The following VAV3 variants were observed in gnomAD, a reference collection of about 807,000 sequenced individuals.
VAV3 encodes the protein guanine nucleotide exchange factor VAV3.
A neutral mutation model predicts 131.2 loss-of-function variants in VAV3; 94 were observed. That is an observed-to-expected ratio of 0.72 (90% CI 0.61 to 0.85). The LOEUF (loss-of-function observed/expected upper bound fraction) is 0.85. VAV3 is among the 40% of genes least tolerant of loss of function. VAV3 has a pLI of 0.00. For synonymous variants in VAV3, 349 were observed against 342.0 expected (o/e 1.02, Z -0.22); for missense variants, 939 against 1,002.7 (o/e 0.94, Z 0.86).
At chr1:107,921,233 TC>T (rs747867729) in intron 1 of VAV3, among the ~76,000 whole-genome samples, 4 of 152,190 alleles carry the variant, frequency 2.6e-5, no homozygotes, top group Non-Finnish European at 5.9e-5. Flanking sequence ...TATGTATCCT[TC>T]CTCTGGGCCT....
chr1:107,856,159 A>T (rs970042417), intron 2 of VAV3, among the ~76,000 whole-genome samples: 1 of 152,196 alleles, frequency 6.6e-6, no homozygotes, highest in Non-Finnish European at 1.5e-5. Flanking sequence ...CAGCAGGACT[A>T]CTCAAAAGCC....
At chr1:107,880,550 C>G (rs1018149596) in intron 1 of VAV3, among the ~76,000 whole-genome samples, 3 of 152,086 alleles carry the variant, frequency 2.0e-5, no homozygotes, top group Admixed American at 2.0e-4. Flanking sequence ...AATCCCAACA[C>G]TTCAGGAGGC....
At chr1:107,777,974 G>A (rs1665460493) in intron 3 of VAV3, among the ~76,000 whole-genome samples, 1 of 152,120 alleles carries the variant, frequency 6.6e-6, no homozygotes, top group Non-Finnish European at 1.5e-5. Context: ...TTCCCACTGT[G>A]TGGCTTCCTT....
At chr1:107,649,227 A>G (rs1192244963) in intron 19 of VAV3, among the ~76,000 whole-genome samples, 2 of 152,068 alleles carry the variant, frequency 1.3e-5, no homozygotes, top group Non-Finnish European at 2.9e-5. Flanking sequence ...TCATCTGACT[A>G]CACCCAAGTA....
intron 2 of VAV3, among the ~76,000 whole-genome samples, chr1:107,788,084 T>C (rs978247284): frequency 6.6e-6 from 1 of 152,178 alleles, no homozygotes; most frequent in Admixed American, 6.5e-5. Flanking sequence ...TCTCCTCCCA[T>C]GCCTCTGCTA....
Position 107,613,373 on chromosome 1 carries a change from C to A in VAV3, c.1981-3408G>T, listed in dbSNP as rs140085144. Among the ~76,000 whole-genome samples the A allele has an allele frequency of 6.5e-3, 982 of 152,126 alleles. 7 individuals are homozygous for A. Among genetic ancestry groups the A allele is most frequent in the Non-Finnish European group, 9.8e-3 (665 of 67,974 alleles). On this transcript the variant is annotated intron_variant, in intron 21 of 26. Transcript: ENST00000370056. Reference sequence around the variant, plus strand: ...TTAAATGTATTTGTATCTCATCACTCCATTTTCTGTTTTATTTTTAACTTC... The same window carrying A: ...TTAAATGTATTTGTATCTCATCACTACATTTTCTGTTTTATTTTTAACTTC...
At chr1:107,685,309 T>C (rs978581958) in intron 18 of VAV3, among the ~76,000 whole-genome samples, 4 of 152,210 alleles carry the variant, frequency 2.6e-5, no homozygotes, top group African/African-American at 9.6e-5. Flanking sequence ...TATATCTCTG[T>C]GCCTGTTTGT....
rs1362549407 is a variant in VAV3, at chr1:107,572,622, C to T, written c.*709G>A. 6.6e-6 allele frequency: 1 copy of T among 152,602 alleles called. No homozygotes were observed. 9.5% of individuals were successfully genotyped at this position (152,602 alleles called of 1,614,324 possible). ...GTTGTGAAGGTTTAATATGAAGACACCCTCTCTTTTGTGTGCTTTTTTCAC... is the reference window on the plus strand; with the variant it reads ...GTTGTGAAGGTTTAATATGAAGACATCCTCTCTTTTGTGTGCTTTTTTCAC... On this transcript the variant is annotated 3_prime_UTR_variant, in exon 27 of 27. Transcript: ENST00000370056.
intron 19 of VAV3, among the ~76,000 whole-genome samples, chr1:107,671,302 C>T (rs1657775943): frequency 6.6e-6 from 1 of 152,200 alleles, no homozygotes; most frequent in Admixed American, 6.5e-5. Flanking sequence ...GAAGCACGTT[C>T]TGTGAACAGA....
At chr1:107,945,719 G>C (rs931282356) in intron 1 of VAV3, among the ~76,000 whole-genome samples, 4 of 151,788 alleles carry the variant, frequency 2.6e-5, no homozygotes, top group African/African-American at 9.7e-5. Context: ...CTATTCAAGA[G>C]GCTGAGGCGG....
At chr1:107,821,545 A>C (rs1261329421) in intron 2 of VAV3, among the ~76,000 whole-genome samples, 1 of 152,204 alleles carries the variant, frequency 6.6e-6, no homozygotes, top group Non-Finnish European at 1.5e-5. Context: ...AGCACCAGCA[A>C]AGTAAATGAC....
intron 2 of VAV3, among the ~76,000 whole-genome samples, chr1:107,860,070 A>G (rs560972916): frequency 5.3e-5 from 8 of 152,338 alleles, no homozygotes; most frequent in African/African-American, 1.9e-4. Context: ...CAGCAAAAAT[A>G]GCGGTATATA....
intron 1 of VAV3, among the ~76,000 whole-genome samples, chr1:107,882,171 G>A (rs1026062931): frequency 4.6e-5 from 7 of 152,158 alleles, no homozygotes; most frequent in Admixed American, 4.6e-4. Flanking sequence ...AATGAGAAAT[G>A]ACATTTCATG....
chr1:107,604,585 C>T lies in VAV3; in HGVS notation c.2016-1422G>A, dbSNP rs145434286. Among the ~76,000 whole-genome samples the T allele has an allele frequency of 4.7e-3, 712 of 152,278 alleles. 5 individuals are homozygous for T. The highest frequency in any genetic ancestry group is 0.016 in the African/African-American group (659 of 41,564). The stretch of plus-strand genomic sequence containing the variant: ...CAGACTGCACTCTTGTCTGGAAACA[C>T]TCATACCCTATCAACACAATATTCC... On this transcript the variant is annotated intron_variant, in intron 22 of 26. Transcript: ENST00000370056.
intron 15 of VAV3, among the ~76,000 whole-genome samples, chr1:107,736,812 T>A (rs1662668688): frequency 6.6e-6 from 1 of 152,126 alleles, no homozygotes; most frequent in Non-Finnish European, 1.5e-5. Flanking sequence ...GCCATCCCCA[T>A]CCAGCTACCA....
intron 21 of VAV3, among the ~76,000 whole-genome samples, chr1:107,611,810 A>C (rs1652757228): frequency 6.6e-6 from 1 of 152,102 alleles, no homozygotes; most frequent in Non-Finnish European, 1.5e-5. Context: ...CAGTGGGTGC[A>C]TTCTGACATG....
intron 2 of VAV3, among the ~76,000 whole-genome samples, chr1:107,848,916 C>T (rs1669099386): frequency 1.3e-5 from 2 of 152,076 alleles, no homozygotes; most frequent in Admixed American, 1.3e-4. Flanking sequence ...CATAAACATT[C>T]CTATACACCA....
intron 17 of VAV3, among the ~76,000 whole-genome samples, chr1:107,702,880 G>A (rs142655808): frequency 6.6e-6 from 1 of 151,512 alleles, no homozygotes; most frequent in African/African-American, 2.4e-5. Flanking sequence ...ACTGTGGTAA[G>A]AATCAACATT....
intron 19 of VAV3, among the ~76,000 whole-genome samples, chr1:107,652,233 C>T (rs1270809857): frequency 1.3e-5 from 2 of 152,160 alleles, no homozygotes; most frequent in African/African-American, 4.8e-5. Flanking sequence ...CTCACTGCTA[C>T]ACTCCCACCA....
Sources: gnomAD v4.1 joint callset for allele counts (sites outside exome capture counted in the v4.1 genomes callset) on GRCh38, gnomAD v4.1.1 for gene constraint, MANE v1.5 for transcripts, NCBI Gene and HGNC (gene_info 2026-07-23, HGNC 2026-07-21) for gene names.